Variants in SEC24B observed in about 807,000 individuals in gnomAD.
The protein encoded by SEC24B is protein transport protein Sec24B.
A neutral mutation model predicts 142.8 loss-of-function variants in SEC24B; 45 were observed. That is an observed-to-expected ratio of 0.32 (90% CI 0.25 to 0.40). The LOEUF (loss-of-function observed/expected upper bound fraction) is 0.40, where lower values mean the gene tolerates loss of function less well. Ranked by LOEUF, SEC24B falls within the 10% of genes least tolerant of loss-of-function variation. The pLI is 1.00. For missense variants in SEC24B, 1,409 were observed against 1,526.8 expected, an observed-to-expected ratio of 0.92 and a Z score of 1.29; for synonymous variants, 574 against 568.2, an observed-to-expected ratio of 1.01 and a Z score of -0.15.
intron 12 of SEC24B, among the ~76,000 whole-genome samples, 173 bp downstream of exon 12, chr4:109,520,657 A>G (rs1723505717): frequency 6.6e-6 from 1 of 152,206 alleles, no homozygotes; most frequent in African/African-American, 2.4e-5. Context: ...CCTATGTATT[A>G]CACACATGTA....
chr4:109,475,632 T>G (rs903636066), intron 3 of SEC24B, among the ~76,000 whole-genome samples: 1 of 152,166 alleles, frequency 6.6e-6, no homozygotes, highest in Non-Finnish European at 1.5e-5. Flanking sequence ...TTATGCAGTT[T>G]TTAACATATA....
In SEC24B at chr4:109,463,595, A is replaced by G; in HGVS notation, c.828A>G (p.Arg276=). ...CATCGACTCAAGACAATCTCATCCG[A>G]AACCACACAGGATCCCTGGCTGTAG... ...GLPSTQDNLI[R]NHTGSLAVAN... The change falls in exon 2 of 24, where the codon CGA becomes CGG. Residue 276 remains arginine (R), a synonymous_variant. Coordinates refer to ENST00000265175, the MANE Select transcript of SEC24B (RefSeq NM_006323.5). 1.2e-6 allele frequency: 2 copies of G among 1,614,144 alleles called. No homozygotes were observed. The highest frequency in any genetic ancestry group is 1.7e-6 in the Non-Finnish European group (2 of 1,180,018).
intron 5 of SEC24B, 133 bp downstream of exon 5, chr4:109,491,540 C>A: frequency 1.7e-6 from 1 of 593,442 alleles, no homozygotes. Flanking sequence ...TTTTCTGGCA[C>A]TTCTCAGCCT....
At chr4:109,455,668 G>A (rs1017881167) in intron 1 of SEC24B, among the ~76,000 whole-genome samples, 1 of 152,116 alleles carries the variant, frequency 6.6e-6, no homozygotes, top group Non-Finnish European at 1.5e-5. Flanking sequence ...TTCCTCAATT[G>A]CATTGCCTTG....
At chr4:109,472,425 C>G (rs1732618113) in intron 2 of SEC24B, among the ~76,000 whole-genome samples, 2 of 152,194 alleles carry the variant, frequency 1.3e-5, no homozygotes, top group African/African-American at 4.8e-5. Flanking sequence ...TCCAGAAGTT[C>G]AACCTCGTAT....
Position 109,539,274 on chromosome 4 carries a change from T to A in SEC24B, c.3693-287T>A, listed in dbSNP as rs546876192. ...ACCACGCCCGGCCAATTTTAAAAAT[T>A]TTTTTTTTTTTTTTAAGCAATGGGG... On this transcript the variant is annotated intron_variant, in intron 23 of 23. Coordinates refer to ENST00000265175, the MANE Select transcript of SEC24B (RefSeq NM_006323.5). Among the ~76,000 whole-genome samples, 833 of 142,492 alleles carry A rather than the reference T, an allele frequency of 5.8e-3. 6 individuals carry two copies. Among genetic ancestry groups the A allele is most frequent in the African/African-American group, 0.021 (808 of 37,678 alleles). 93.5% of individuals were successfully genotyped at this position (142,492 alleles called of 152,430 possible).
intron 1 of SEC24B, among the ~76,000 whole-genome samples, chr4:109,456,522 T>C (rs1730711734): frequency 6.6e-6 from 1 of 152,090 alleles, no homozygotes. Flanking sequence ...AAGTATGGTT[T>C]GCTATAGGTT....
intron 1 of SEC24B, among the ~76,000 whole-genome samples, chr4:109,435,181 C>T (rs755352142): frequency 3.3e-5 from 5 of 152,182 alleles, no homozygotes; most frequent in Admixed American, 2.0e-4. Flanking sequence ...TGAAGTGTAT[C>T]GTTTGTCCTG....
intron 1 of SEC24B, among the ~76,000 whole-genome samples, chr4:109,456,623 C>G (rs755059859): frequency 4.6e-5 from 7 of 152,066 alleles, no homozygotes; most frequent in Non-Finnish European, 8.8e-5. Context: ...CAAGTTTTAT[C>G]TAATGCATTT....
Position 109,540,587 on chromosome 4 carries a change from A to G in SEC24B, c.*912A>G, listed in dbSNP as rs1416211143. On this transcript the variant is annotated 3_prime_UTR_variant, in exon 24 of 24. Transcript: ENST00000265175. ...CAGTGATACTGCATTTCAGTTAGTAATATATATGAATCAGGCCAGGCGCGG... is the reference window on the plus strand; with the variant it reads ...CAGTGATACTGCATTTCAGTTAGTAGTATATATGAATCAGGCCAGGCGCGG... The G allele has an allele frequency of 1.3e-5, 2 of 152,128 alleles. No individual in the cohort carries two copies. Among genetic ancestry groups the G allele is most frequent in the Non-Finnish European group, 2.9e-5 (2 of 68,024 alleles). The allele number at this position is 152,128 out of a possible 1,614,324, so 9.4% of individuals were successfully genotyped here.
intron 4 of SEC24B, among the ~76,000 whole-genome samples, chr4:109,482,961 T>TACAC (rs1284270282): frequency 1.8e-5 from 1 of 56,906 alleles, no homozygotes; most frequent in African/African-American, 1.2e-4. Context: ...TATATATATA[T>TACAC]ATATATATAT....
intron 1 of SEC24B, among the ~76,000 whole-genome samples, chr4:109,452,004 G>A (rs1730144542): frequency 6.6e-6 from 1 of 151,248 alleles, no homozygotes; most frequent in Non-Finnish European, 1.5e-5. Context: ...AGCTGTATAG[G>A]TTTAGATAAA....
At chr4:109,486,745 G>A (rs916591018) in intron 4 of SEC24B, among the ~76,000 whole-genome samples, 4 of 152,332 alleles carry the variant, frequency 2.6e-5, no homozygotes, top group African/African-American at 9.6e-5. Flanking sequence ...GTGGAAACCA[G>A]CTTGTATGCT....
chr4:109,530,995 G>A (rs1724872568), intron 19 of SEC24B, among the ~76,000 whole-genome samples: 1 of 150,356 alleles, frequency 6.7e-6, no homozygotes, highest in African/African-American at 2.4e-5. Context: ...CTTCTTTAAT[G>A]TGTGTGAGCA....
At chr4:109,513,983 T>C in intron 10 of SEC24B, 127 bp downstream of exon 10, 1 of 602,706 alleles carries the variant, frequency 1.7e-6, no homozygotes, top group Non-Finnish European at 2.9e-6. Flanking sequence ...AACAAATTAA[T>C]GCTGGAAGTT....
chr4:109,444,936 T>C (rs1292814688), intron 1 of SEC24B, among the ~76,000 whole-genome samples: 5 of 152,194 alleles, frequency 3.3e-5, no homozygotes, highest in Non-Finnish European at 7.3e-5. Flanking sequence ...TTTTTTGTTT[T>C]GTTTGTTTTT....
intron 1 of SEC24B, among the ~76,000 whole-genome samples, chr4:109,451,913 G>A (rs2125911027): frequency 6.6e-6 from 1 of 151,972 alleles, no homozygotes; most frequent in East Asian, 1.9e-4. Context: ...CTGTATTCTA[G>A]CCTAGGTTTT....
At chr4:109,509,025 TAAATC>T (rs755948256) in intron 7 of SEC24B, among the ~76,000 whole-genome samples, 9 of 152,026 alleles carry the variant, frequency 5.9e-5, no homozygotes, top group Admixed American at 3.9e-4. Flanking sequence ...TGAAGAAAAA[TAAATC>T]AGAATAAGGA....
In SEC24B at chr4:109,516,657, T is replaced by G; in HGVS notation, c.2126+17T>G. ...TCTAGACAAGTAAGAATATTTTTAA[T>G]TCATACTATACATATGTGTATGTTA... On this transcript the variant is annotated intron_variant, in intron 11 of 23. Coordinates refer to ENST00000265175, the MANE Select transcript of SEC24B (RefSeq NM_006323.5). 7.4e-6 allele frequency: 10 copies of G among 1,342,660 alleles called. No homozygotes were observed. The highest frequency in any genetic ancestry group is 1.1e-5 in the Non-Finnish European group (10 of 942,284). The allele number at this position is 1,342,660 out of a possible 1,614,324, so 83.2% of individuals were successfully genotyped here. A position where few individuals can be genotyped will look rare whatever the true frequency, so the allele number is the denominator to read the frequency against.
Sources: gnomAD v4.1 joint callset for allele counts (sites outside exome capture counted in the v4.1 genomes callset) on GRCh38, gnomAD v4.1.1 for gene constraint, MANE v1.5 for transcripts, NCBI Gene and HGNC (gene_info 2026-07-23, HGNC 2026-07-21) for gene names.